JAKMIP3: variants seen among roughly 807,000 people sequenced by gnomAD.
The protein encoded by JAKMIP3 is Janus kinase and microtubule interacting protein 3, also known as janus kinase and microtubule-interacting protein 3.
A neutral mutation model predicts 118.5 loss-of-function variants in JAKMIP3; 58 were observed. That is an observed-to-expected ratio of 0.49 (90% CI 0.40 to 0.61). The LOEUF (loss-of-function observed/expected upper bound fraction) is 0.61, where lower values mean the gene tolerates loss of function less well. JAKMIP3 is among the 20% of genes least tolerant of loss of function. The probability of loss-of-function intolerance (pLI) is 0.00; values close to 1 mark genes in which losing one functional copy is unlikely to be tolerated. For missense variants in JAKMIP3, 950 were observed against 1,109.0 expected (o/e 0.86, Z 2.04); for synonymous variants, 486 against 451.2 (o/e 1.08, Z -0.98).
At chr10:132,100,440 C>T (rs1203446711) in intron 1 of JAKMIP3, among the ~76,000 whole-genome samples, 2 of 92,332 alleles carry the variant, frequency 2.2e-5, no homozygotes, top group African/African-American at 6.9e-5. Flanking sequence ...CCCCGTCTGC[C>T]TCCCAGGAGG....
At chr10:132,116,152 T>G (rs1428124152) in intron 2 of JAKMIP3, among the ~76,000 whole-genome samples, 3 of 152,236 alleles carry the variant, frequency 2.0e-5, no homozygotes, top group Admixed American at 6.5e-5. Context: ...AATCTCAACT[T>G]CTGGAACGTA....
At chr10:132,093,513 C>T (rs899528179) in intron 1 of JAKMIP3, among the ~76,000 whole-genome samples, 6 of 152,214 alleles carry the variant, frequency 3.9e-5, no homozygotes, top group African/African-American at 7.2e-5. Context: ...GAGCGAGGCT[C>T]CGTGGGCGTG....
chr10:132,106,522 G>A (rs1383857218), intron 2 of JAKMIP3, among the ~76,000 whole-genome samples: 1 of 152,178 alleles, frequency 6.6e-6, no homozygotes, highest in Admixed American at 6.5e-5. Flanking sequence ...GGCCTGGAGG[G>A]GGGAGTGTTG....
intron 1 of JAKMIP3, among the ~76,000 whole-genome samples, chr10:132,103,398 G>A (rs2045334425): frequency 7.2e-6 from 1 of 139,194 alleles, no homozygotes; most frequent in African/African-American, 2.8e-5. Flanking sequence ...ACGGGGAGGA[G>A]CACCTGGGGG....
chr10:132,087,498 C>G (rs1159925088), intron 1 of JAKMIP3, among the ~76,000 whole-genome samples: 2 of 152,102 alleles, frequency 1.3e-5, no homozygotes, highest in East Asian at 3.9e-4. Flanking sequence ...GCCAATTATT[C>G]TTAGGTTTGG....
intron 19 of JAKMIP3, among the ~76,000 whole-genome samples, chr10:132,157,562 T>C (rs2057247488): frequency 6.6e-6 from 1 of 152,166 alleles, no homozygotes; most frequent in Admixed American, 6.5e-5. Context: ...TTTCTCCCCA[T>C]AGTAGGTATA....
In JAKMIP3 at chr10:132,139,230, GTA is replaced by G. The variant is rs1189219859; in HGVS notation, c.1344+1056_1344+1057del. Among the ~76,000 whole-genome samples the G allele has an allele frequency of 9.7e-5, 7 of 72,208 alleles. 2 individuals carry two copies. The highest frequency in any genetic ancestry group is 7.8e-4 in the South Asian group (2 of 2,550). The allele number at this position is 72,208 out of a possible 152,430, so 47.4% of individuals were successfully genotyped here. Reference sequence around the variant, plus strand: ...TGTGTGTATGTGTGTACATGTGAGTGTATATGCATCTGTGTGTGTATGTGTGT... The same window carrying G: ...TGTGTGTATGTGTGTACATGTGAGTGTATGCATCTGTGTGTGTATGTGTGT... On this transcript the variant is annotated intron_variant, in intron 9 of 23. Transcript: ENST00000684848.
Position 132,097,923 on chromosome 10 carries a change from T to TCCTTCCTTCCTTTTCTTTTCTCC in JAKMIP3, c.-137-6743_-137-6742insTTCCTTTTCTTTTCTCCCCTTCC, listed in dbSNP as rs2044176236. Among the ~76,000 whole-genome samples, 7 of 33,874 alleles carry TCCTTCCTTCCTTTTCTTTTCTCC rather than the reference T, an allele frequency of 2.1e-4. 1 individual carries two copies. Among genetic ancestry groups the TCCTTCCTTCCTTTTCTTTTCTCC allele is most frequent in the Non-Finnish European group, 3.2e-4 (5 of 15,404 alleles). The allele number at this position is 33,874 out of a possible 152,430, so 22.2% of individuals were successfully genotyped here. ...TCCCCTTCCCCTTCCCCTTCCCCTTTCCTTCCCCTTCCCCTTTCCCTTTCC... is the reference window on the plus strand; with the variant it reads ...TCCCCTTCCCCTTCCCCTTCCCCTTTCCTTCCTTCCTTTTCTTTTCTCCCCTTCCCCTTCCCCTTTCCCTTTCC... On this transcript the variant is annotated intron_variant, in intron 1 of 23. Transcript: ENST00000684848.
rs1491127913 is a variant in JAKMIP3 at position 132,038,790 on chromosome 10, C to CCAAA, written c.-138+2052_-138+2053insCAAA. 2.4e-5 allele frequency among the ~76,000 whole-genome samples: 3 copies of CCAAA among 124,732 alleles called. No individual in the cohort carries two copies. The South Asian group carries it at 7.9e-4, about 33-fold the overall frequency. The allele number at this position is 124,732 out of a possible 152,430, so 81.8% of individuals were successfully genotyped here. On this transcript the variant is annotated intron_variant, in intron 1 of 23. Coordinates refer to the JAKMIP3 transcript ENST00000657785. ...CCTGGGCAACAGAATGAGACTGTCTCAAAAAAAAAAAAAAAAAAAACCATC... is the reference window on the plus strand; with the variant it reads ...CCTGGGCAACAGAATGAGACTGTCTCCAAAAAAAAAAAAAAAAAAAAAAACCATC...
intron 1 of JAKMIP3, among the ~76,000 whole-genome samples, chr10:132,094,442 A>G (rs543901887): frequency 2.6e-5 from 4 of 151,866 alleles, no homozygotes; most frequent in Non-Finnish European, 4.4e-5. Context: ...CTTTTGTCCC[A>G]TGGGGTGTTC....
rs1284873787 is a variant in JAKMIP3, at chr10:132,139,240, CTGTG to C, written c.1344+1068_1344+1071del. On this transcript the variant is annotated intron_variant, in intron 9 of 23. Transcript: ENST00000684848. Reference sequence around the variant, plus strand: ...TGTGTACATGTGAGTGTATATGCATCTGTGTGTGTATGTGTGTGTGTGTATGTGT... The same window carrying C: ...TGTGTACATGTGAGTGTATATGCATCTGTGTATGTGTGTGTGTGTATGTGT... 1.3e-4 allele frequency among the ~76,000 whole-genome samples: 11 copies of C among 84,910 alleles called. 1 individual carries two copies. Among genetic ancestry groups the C allele is most frequent in the East Asian group, 3.0e-4 (1 of 3,384 alleles). The allele number at this position is 84,910 out of a possible 152,430, so 55.7% of individuals were successfully genotyped here. A position where few individuals can be genotyped will look rare whatever the true frequency, so the allele number is the denominator to read the frequency against.
chr10:132,094,992 GGTT>G (rs2043653494), intron 1 of JAKMIP3, among the ~76,000 whole-genome samples: 1 of 152,138 alleles, frequency 6.6e-6, no homozygotes, highest in African/African-American at 2.4e-5. Flanking sequence ...GAGTCATGCA[GGTT>G]GTCAAGGAAG....
chr10:132,105,822 C>T (rs1261703071), intron 2 of JAKMIP3, among the ~76,000 whole-genome samples: 3 of 122,928 alleles, frequency 2.4e-5, no homozygotes, highest in African/African-American at 9.9e-5. Context: ...GGATGGTGTC[C>T]CCACTCCAGG....
chr10:132,049,757 T>C lies in JAKMIP3; in HGVS notation c.-138+13019T>C, dbSNP rs1970006. 0.84 allele frequency among the ~76,000 whole-genome samples: 128,461 copies of C among 152,128 alleles called. 54,369 individuals carry two copies. Among genetic ancestry groups the C allele is most frequent in the East Asian group, 1 (5,146 of 5,160 alleles). ...CCTTGGCCTCCCAAAGTGCTGGGAT[T>C]ACAGGAGTGAGCCACCCTTCCCAGC... is the stretch of plus-strand genomic sequence containing the variant. On this transcript the variant is annotated intron_variant, in intron 1 of 23. Transcript: ENST00000657785. This position sits in a 1 kb window ranked among gnomAD's most constrained non-coding sequence, Gnocchi z 4.3.
chr10:132,123,216 C>T lies in JAKMIP3; in HGVS notation c.633+5642C>T, dbSNP rs533730007. On this transcript the variant is annotated intron_variant, in intron 3 of 23. Coordinates refer to ENST00000684848, the MANE Select transcript of JAKMIP3 (RefSeq NM_001323087.2). ...TGGTGACAGGCTCTGAGGACAGGGCCGAGCTGGGGCCCCAGAAGCAGCTGC... is the reference window on the plus strand; with the variant it reads ...TGGTGACAGGCTCTGAGGACAGGGCTGAGCTGGGGCCCCAGAAGCAGCTGC... Among the ~76,000 whole-genome samples, 184 of 152,302 alleles carry T rather than the reference C, an allele frequency of 1.2e-3. 2 individuals carry two copies. Among genetic ancestry groups the T allele is most frequent in the Admixed American group, 2.9e-3 (45 of 15,300 alleles).
In JAKMIP3 at chr10:132,181,990, G is replaced by A. The variant is rs150364286; in HGVS notation, c.*1104-367G>A. The stretch of plus-strand genomic sequence containing the variant: ...AAAATGGAAAGGTAATAAAAACTTT[G>A]AACTTAGCAGAGGCCCACTTTCTAA... On this transcript the variant is annotated intron_variant, in intron 23 of 23. Transcript: ENST00000684848. Among the ~76,000 whole-genome samples, 611 of 152,348 alleles carry A rather than the reference G, an allele frequency of 4.0e-3. 4 individuals are homozygous for A. The highest frequency in any genetic ancestry group is 0.014 in the African/African-American group (571 of 41,576).
At chr10:132,057,797 G>A (rs986188372) in intron 1 of JAKMIP3, among the ~76,000 whole-genome samples, 4 of 152,306 alleles carry the variant, frequency 2.6e-5, no homozygotes, top group African/African-American at 7.2e-5. Context: ...CTCCAGTGCC[G>A]TCCTGGACAG....
intron 3 of JAKMIP3, among the ~76,000 whole-genome samples, chr10:132,121,750 G>A (rs927038374): frequency 6.6e-6 from 1 of 152,152 alleles, no homozygotes; most frequent in Non-Finnish European, 1.5e-5. Flanking sequence ...GGGGGTTTCC[G>A]TGCCTCCCTT....
Position 132,054,871 on chromosome 10 carries a change from T to C in JAKMIP3, c.-138+18133T>C, listed in dbSNP as rs139201893. On this transcript the variant is annotated intron_variant, in intron 1 of 23. Coordinates refer to the JAKMIP3 transcript ENST00000657785. ...CCTGGGGATGGGGAGAGTCCTGCAC[T>C]CCTACACCGAGGACCCTCCGCTTGG... Among the ~76,000 whole-genome samples, 412 of 151,764 alleles carry C rather than the reference T, an allele frequency of 2.7e-3. 4 individuals are homozygous for C. Among genetic ancestry groups the C allele is most frequent in the African/African-American group, 8.9e-3 (369 of 41,320 alleles).
Sources: allele counts gnomAD v4.1 joint callset (sites outside exome capture counted in the v4.1 genomes callset), GRCh38; gene constraint gnomAD v4.1.1; non-coding constraint Gnocchi (gnomAD v3.1); transcripts MANE v1.5; gene names NCBI Gene and HGNC (gene_info 2026-07-23, HGNC 2026-07-21).